The following COLEC10 variants were observed in gnomAD, a reference collection of about 807,000 sequenced individuals.
The protein encoded by COLEC10 is collectin subfamily member 10, also known as collectin-10.
Under a neutral mutation model 28.4 loss-of-function variants are expected in COLEC10, and 22 were observed. That is an observed-to-expected ratio of 0.78 (90% CI 0.55 to 1.11). COLEC10 has a LOEUF of 1.11. Among genes scored for constraint, COLEC10 ranks in the 50% least tolerant of loss-of-function variants. The pLI, the probability that COLEC10 is intolerant of heterozygous loss-of-function variation, is 0.00. For synonymous variants in COLEC10, 125 were observed against 116.1 expected (o/e 1.08, Z -0.49); for missense variants, 361 against 344.1 (o/e 1.05, Z -0.39).
intron 1 of COLEC10, among the ~76,000 whole-genome samples, chr8:118,996,876 A>G (rs1813598782): frequency 6.6e-6 from 1 of 152,146 alleles, no homozygotes; most frequent in South Asian, 2.1e-4. Flanking sequence ...GAGAAAGAGT[A>G]AGGATTGGGG....
At chr8:119,015,988 A>T (rs1302003704) in intron 2 of COLEC10, among the ~76,000 whole-genome samples, 2 of 152,204 alleles carry the variant, frequency 1.3e-5, no homozygotes, top group Non-Finnish European at 2.9e-5. Context: ...GACAATAGGT[A>T]TGCTATCATT....
the COLEC10 span, among the ~76,000 whole-genome samples, chr8:118,974,940 C>G: frequency 6.6e-6 from 1 of 151,882 alleles, no homozygotes; most frequent in East Asian, 1.9e-4. Context: ...GTGGCATTGG[C>G]CAGGAAGGTT....
chr8:119,044,152 T>G lies in COLEC10; in HGVS notation n.235+34599T>G, dbSNP rs539692671. ...GTTGTGCTTTTGTAATAATCAATAG[T>G]GTCCTCATTTACTTTCAAAAATGTG... On this transcript the variant is annotated intron_variant and non_coding_transcript_variant, in intron 2 of 6. Coordinates refer to the COLEC10 transcript ENST00000521788. Among the ~76,000 whole-genome samples, 6 of 152,360 alleles carry G rather than the reference T, an allele frequency of 3.9e-5. No homozygotes were observed. In the East Asian group the frequency reaches 1.2e-3, roughly 29 times the overall value.
At chr8:119,095,059 TTA>T (rs750721460) in intron 3 of COLEC10, among the ~76,000 whole-genome samples, 2 of 152,142 alleles carry the variant, frequency 1.3e-5, no homozygotes, top group African/African-American at 2.4e-5. Flanking sequence ...AATATGAGCG[TTA>T]TTTGTGGAGA....
At chr8:118,954,129 C>G in the COLEC10 span, among the ~76,000 whole-genome samples, 1 of 152,186 alleles carries the variant, frequency 6.6e-6, no homozygotes, top group South Asian at 2.1e-4. Flanking sequence ...GCTTTTAGCT[C>G]AAATTCTGGC....
At chr8:119,008,129 A>G (rs994463030) in intron 1 of COLEC10, among the ~76,000 whole-genome samples, 3 of 151,012 alleles carry the variant, frequency 2.0e-5, no homozygotes, top group Non-Finnish European at 4.4e-5. Flanking sequence ...TCCACTGGAA[A>G]ATTCCAGTTC....
chr8:119,091,176 G>A lies in COLEC10; in HGVS notation c.248G>A (p.Gly83Glu), dbSNP rs867175886. Reference protein sequence around the residue: ...KGIKGELGDMGDQGNIGKTGP... With the variant: ...KGIKGELGDMEDQGNIGKTGP... The stretch of plus-strand genomic sequence containing the variant: ...ATTAAAGGAGAACTGGGTGATATGG[G>A]AGATCAGGGCAATATTGGCAAGACT... Residue 83 changes from glycine (G) to glutamate (E), a missense_variant, in exon 3 of 6, where the codon GGA becomes GAA. By Grantham distance (98) the Gly-to-Glu change is moderately conservative. Transcript: ENST00000332843. 1.2e-6 allele frequency: 2 copies of A among 1,613,082 alleles called. No homozygotes were observed. The highest frequency in any genetic ancestry group is 1.7e-6 in the Non-Finnish European group (2 of 1,179,434).
chr8:118,987,172 C>T, the COLEC10 span, among the ~76,000 whole-genome samples: 1 of 152,024 alleles, frequency 6.6e-6, no homozygotes, highest in South Asian at 2.1e-4. Flanking sequence ...ACCCACACCT[C>T]GATATATTGT....
At chr8:119,086,522 A>G (rs1429638278) in intron 1 of COLEC10, among the ~76,000 whole-genome samples, 2 of 152,140 alleles carry the variant, frequency 1.3e-5, no homozygotes, top group African/African-American at 4.8e-5. Context: ...TCTGTGCCAG[A>G]AGCCTGCTTG....
chr8:119,086,132 G>C lies in COLEC10; in HGVS notation c.149-3548G>C, dbSNP rs547133579. On this transcript the variant is annotated intron_variant, in intron 1 of 5. Coordinates refer to ENST00000332843, the MANE Select transcript of COLEC10 (RefSeq NM_006438.5). ...AATTTTAAAAGACATTTTGCTAATT[G>C]GGCAGGGGGAAAAGTCCTATCTAAG... 7.2e-5 allele frequency among the ~76,000 whole-genome samples: 11 copies of C among 152,286 alleles called. No homozygotes were observed. In the South Asian group the frequency reaches 2.3e-3, roughly 32 times the overall value.
Position 119,099,341 on chromosome 8 carries a change from G to A in COLEC10, c.293-3007G>A, listed in dbSNP as rs147295517. Among the ~76,000 whole-genome samples the A allele has an allele frequency of 2.1e-3, 323 of 152,184 alleles. 2 individuals carry two copies. The highest frequency in any genetic ancestry group is 2.5e-3 in the Non-Finnish European group (172 of 67,968). ...TACCATAACTCAGATTCAGGAAACA[G>A]AAGTTAACATTGGTTGAGCATTCTA... On this transcript the variant is annotated intron_variant, in intron 3 of 5. Coordinates refer to ENST00000332843, the MANE Select transcript of COLEC10 (RefSeq NM_006438.5).
the COLEC10 span, chr8:118,976,680 T>C: frequency 6.6e-6 from 1 of 152,182 alleles, no homozygotes; most frequent in Non-Finnish European, 1.5e-5. Flanking sequence ...ATTCAGGACA[T>C]AGGCATGGGC....
intron 2 of COLEC10, among the ~76,000 whole-genome samples, chr8:119,015,918 A>G (rs1369028824): frequency 6.6e-6 from 1 of 152,194 alleles, no homozygotes; most frequent in Non-Finnish European, 1.5e-5. Flanking sequence ...AGTAACAGCA[A>G]CTAACCCTAG....
rs190724980 is a variant in COLEC10, at chr8:119,085,865, G to A, written c.149-3815G>A. On this transcript the variant is annotated intron_variant, in intron 1 of 5. Coordinates refer to ENST00000332843, the MANE Select transcript of COLEC10 (RefSeq NM_006438.5). ...ACTCCTGACTTCAAACAATCCACCCGCCTCGGCCTCCCAAAGTGCTGAGAT... is the reference window on the plus strand; with the variant it reads ...ACTCCTGACTTCAAACAATCCACCCACCTCGGCCTCCCAAAGTGCTGAGAT... Among the ~76,000 whole-genome samples the A allele has an allele frequency of 2.2e-3, 341 of 151,800 alleles. 3 individuals carry two copies. The highest frequency in any genetic ancestry group is 7.7e-3 in the African/African-American group (317 of 41,406).
At chr8:119,001,276 T>C (rs190179734) in intron 1 of COLEC10, among the ~76,000 whole-genome samples, 1 of 152,188 alleles carries the variant, frequency 6.6e-6, no homozygotes, top group East Asian at 1.9e-4. Flanking sequence ...GTAAGGAGAA[T>C]AAAAACAAAA....
the COLEC10 span, among the ~76,000 whole-genome samples, chr8:118,970,717 A>G: frequency 6.6e-6 from 1 of 151,612 alleles, no homozygotes; most frequent in South Asian, 2.1e-4. Flanking sequence ...TCTTTGAATG[A>G]TATAATATCC....
chr8:119,090,246 G>A (rs1428693206), intron 2 of COLEC10, among the ~76,000 whole-genome samples: 1 of 152,190 alleles, frequency 6.6e-6, no homozygotes. Flanking sequence ...CTGGAGAAAT[G>A]GTGGGGTACG....
chr8:119,048,960 G>A (rs939335227), intron 2 of COLEC10, among the ~76,000 whole-genome samples: 1 of 152,082 alleles, frequency 6.6e-6, no homozygotes, highest in Non-Finnish European at 1.5e-5. Flanking sequence ...GTGTTTTTGT[G>A]GTAGCAGGTA....
chr8:119,000,869 G>C (rs1813683970), intron 1 of COLEC10, among the ~76,000 whole-genome samples: 1 of 152,122 alleles, frequency 6.6e-6, no homozygotes. Context: ...GTGATTGCAG[G>C]AAATGTGGTA....
Sources: allele counts gnomAD v4.1 joint callset (sites outside exome capture counted in the v4.1 genomes callset), GRCh38; gene constraint gnomAD v4.1.1; transcripts MANE v1.5; gene names NCBI Gene and HGNC (gene_info 2026-07-23, HGNC 2026-07-21).